The following SOX10 variants were observed in gnomAD, a reference collection of about 807,000 sequenced individuals.
The protein encoded by SOX10 is transcription factor SOX-10.
SOX10 carries 3 observed loss-of-function variants against 35.0 expected under a neutral mutation model. The observed-to-expected ratio is 0.09, with a 90% CI of 0.04 to 0.22. The LOEUF (loss-of-function observed/expected upper bound fraction) is 0.22, where lower values mean the gene tolerates loss of function less well. SOX10 is among the 10% of genes least tolerant of loss of function. The pLI, the probability that SOX10 is intolerant of heterozygous loss-of-function variation, is 1.00. For missense variants in SOX10, 436 were observed against 655.1 expected, an observed-to-expected ratio of 0.67 and a Z score of 3.65; for synonymous variants, 285 against 291.0, an observed-to-expected ratio of 0.98 and a Z score of 0.21.
chr22:37,983,823 C>A lies in SOX10; in HGVS notation c.-39G>T, dbSNP rs1289952577. 2.8e-5 allele frequency: 38 copies of A among 1,372,060 alleles called. No individual in the cohort carries two copies. Among genetic ancestry groups the A allele is most frequent in the Non-Finnish European group, 3.5e-5 (37 of 1,063,228 alleles). The allele number at this position is 1,372,060 out of a possible 1,614,324, so 85.0% of individuals were successfully genotyped here. On this transcript the variant is annotated 5_prime_UTR_variant, in exon 2 of 4. Coordinates refer to ENST00000396884, the MANE Select transcript of SOX10 (RefSeq NM_006941.4). This position sits in a 1 kb window ranked among gnomAD's most constrained non-coding sequence, Gnocchi z 9.5. ...GCCGCCGCCGCCGCCTCGGCCGCCT[C>A]CCCCGGGCCAGCCGCCGGGGTCCTC... is the stretch of plus-strand genomic sequence containing the variant.
rs1932498602 is a variant in SOX10 at position 37,984,148 on chromosome 22, C to G, written c.-85+191G>C. 1 of 172,758 alleles carries G rather than the reference C, an allele frequency of 5.8e-6. No individual in the cohort carries two copies. Among genetic ancestry groups the G allele is most frequent in the African/African-American group, 2.4e-5 (1 of 41,962 alleles). 10.7% of individuals were successfully genotyped at this position (172,758 alleles called of 1,614,324 possible). On this transcript the variant is annotated intron_variant, in intron 1 of 3. Transcript: ENST00000396884. This position sits in a 1 kb window ranked among gnomAD's most constrained non-coding sequence, Gnocchi z 4.4. The stretch of plus-strand genomic sequence containing the variant: ...ATGATAAGGAAGAAAAAAACGGAGC[C>G]TTTATTTTGCTCTAATCCCGGCCCC...
At position 37,974,434 on chromosome 22, in the gene SOX10, C is replaced by T. The variant is rs192999340; in HGVS notation, c.698-236G>A. Among the ~76,000 whole-genome samples, 424 of 150,588 alleles carry T rather than the reference C, an allele frequency of 2.8e-3. 1 individual carries two copies. Among genetic ancestry groups the T allele is most frequent in the Admixed American group, 7.8e-3 (118 of 15,124 alleles). On this transcript the variant is annotated intron_variant, in intron 3 of 3. Transcript: ENST00000396884. This position sits in a 1 kb window ranked among gnomAD's most constrained non-coding sequence, Gnocchi z 5.4. ...GTGGCGCCATCTCGGCTCACTGCAACCTCTGCCTCCTGGGTTCAAATGATT... is the reference window on the plus strand; with the variant it reads ...GTGGCGCCATCTCGGCTCACTGCAATCTCTGCCTCCTGGGTTCAAATGATT...
rs745822475 is a variant in SOX10, at chr22:37,977,907, C to T, written c.657G>A (p.Glu219=). 6.2e-7 allele frequency: 1 copy of T among 1,612,978 alleles called. No homozygotes were observed. The highest frequency in any genetic ancestry group is 1.1e-5 in the South Asian group (1 of 91,056). ...SAHLDHRHPG[E]GSPMSDGNPE... ...GGTTCCCATCTGACATGGGGGAGCC[C>T]TCTCCTGGGTGCCGGTGGTCCAAGT... The change falls in exon 3 of 4, where the codon GAG becomes GAA. Residue 219 remains glutamate, a synonymous_variant. Transcript: ENST00000396884.
chr22:37,983,702 G>A lies in SOX10; in HGVS notation c.83C>T (p.Ala28Val), dbSNP rs1932477803. The A allele has an allele frequency of 1.3e-5, 19 of 1,515,476 alleles. No individual in the cohort carries two copies. Among genetic ancestry groups the A allele is most frequent in the East Asian group, 7.5e-5 (3 of 40,096 alleles). The allele number at this position is 1,515,476 out of a possible 1,614,324, so 93.9% of individuals were successfully genotyped here. ...EEPRCLSPGSAPSLGPDGGGG... is the reference protein window; with the variant it reads ...EEPRCLSPGSVPSLGPDGGGG... ...GCCGCCGTCGGGCCCTAGCGAGGGCGCGCTCCCCGGGGACAGGCAGCGGGG... is the reference window on the plus strand; with the variant it reads ...GCCGCCGTCGGGCCCTAGCGAGGGCACGCTCCCCGGGGACAGGCAGCGGGG... The change falls in exon 2 of 4, where the codon GCG becomes GTG. Residue 28 changes from alanine (A) to valine (V), a missense_variant. Physicochemically the swap from Ala to Val is moderately conservative, Grantham distance 64. Transcript: ENST00000396884. The surrounding 1 kb of genome is among the most constrained non-coding windows in gnomAD (Gnocchi z 9.5).
rs1276840509 is a variant in SOX10 at position 37,983,545 on chromosome 22, G to C, written c.240C>G (p.Leu80=). 6 of 1,610,520 alleles carry C rather than the reference G, an allele frequency of 3.7e-6. No individual in the cohort carries two copies. The highest frequency in any genetic ancestry group is 3.3e-5 in the Admixed American group (2 of 59,716). The part of the protein sequence containing the change: ...VCIREAVSQV[L]SGYDWTLVPM... ...GCACCAGCGTCCAGTCGTAGCCGCT[G>C]AGCACCTGGCTGACGGCCTCGCGGA... Residue 80 remains leucine, a synonymous_variant, in exon 2 of 4, where the codon CTC becomes CTG. Coordinates refer to ENST00000396884, the MANE Select transcript of SOX10 (RefSeq NM_006941.4). This position sits in a 1 kb window ranked among gnomAD's most constrained non-coding sequence, Gnocchi z 9.5.
rs1228797645 is a variant in SOX10, at chr22:37,973,459, G to A, written c.*36C>T. 7.3e-7 allele frequency: 1 copy of A among 1,372,132 alleles called. No individual in the cohort carries two copies. The highest frequency in any genetic ancestry group is 1.0e-6 in the Non-Finnish European group (1 of 998,508). The allele number at this position is 1,372,132 out of a possible 1,614,324, so 85.0% of individuals were successfully genotyped here. A position where few individuals can be genotyped will look rare whatever the true frequency, so the allele number is the denominator to read the frequency against. On this transcript the variant is annotated 3_prime_UTR_variant, in exon 4 of 4. Coordinates refer to ENST00000396884, the MANE Select transcript of SOX10 (RefSeq NM_006941.4). The stretch of plus-strand genomic sequence containing the variant: ...GAACAGGGCACACAGGCTGGGGGCA[G>A]GGGCTGGGCGGGGGGTGGTGGCGAC...
At chr22:37,976,111 T>A (rs1454192346) in intron 3 of SOX10, among the ~76,000 whole-genome samples, 2 of 152,074 alleles carry the variant, frequency 1.3e-5, no homozygotes, top group African/African-American at 4.8e-5. Flanking sequence ...TAATCCCAGC[T>A]ACTTAGGAGG....
intron 3 of SOX10, among the ~76,000 whole-genome samples, chr22:37,975,394 G>A (rs1932191393): frequency 6.6e-6 from 1 of 152,272 alleles, no homozygotes; most frequent in Non-Finnish European, 1.5e-5. Context: ...TGAGTGGGGT[G>A]GGGCCTTGAA....
chr22:37,983,352 C>A lies in SOX10; in HGVS notation c.428+5G>T. On this transcript the variant is annotated splice_donor_5th_base_variant and intron_variant, in intron 2 of 3. Coordinates refer to ENST00000396884, the MANE Select transcript of SOX10 (RefSeq NM_006941.4). This position sits in a 1 kb window ranked among gnomAD's most constrained non-coding sequence, Gnocchi z 9.5. ...CCCGAGCCCGGGGGGCGGTCGGGTGCTCACCTCCAGAGCTTGCCCAGCGTC... is the reference window on the plus strand; with the variant it reads ...CCCGAGCCCGGGGGGCGGTCGGGTGATCACCTCCAGAGCTTGCCCAGCGTC... The A allele has an allele frequency of 6.2e-7, 1 of 1,605,784 alleles. No homozygotes were observed. The highest frequency in any genetic ancestry group is 8.5e-7 in the Non-Finnish European group (1 of 1,177,536).
In SOX10 at chr22:37,977,899, G is replaced by C. The variant is rs751692784; in HGVS notation, c.665C>G (p.Pro222Arg). The change falls in exon 3 of 4, where the codon CCC becomes CGC. Residue 222 changes from proline (P) to arginine (R), a missense_variant. By Grantham distance (103) the Pro-to-Arg change is moderately radical. Transcript: ENST00000396884. ...LDHRHPGEGS[P>R]MSDGNPEHPS... is the part of the protein sequence containing the mutation. ...GTGCTCGGGGTTCCCATCTGACATG[G>C]GGGAGCCCTCTCCTGGGTGCCGGTG... 6.2e-7 allele frequency: 1 copy of C among 1,612,640 alleles called. No homozygotes were observed. The highest frequency in any genetic ancestry group is 8.5e-7 in the Non-Finnish European group (1 of 1,179,622).
intron 3 of SOX10, among the ~76,000 whole-genome samples, chr22:37,976,901 C>A (rs1471976349): frequency 2.6e-5 from 4 of 152,168 alleles, no homozygotes; most frequent in Non-Finnish European, 4.4e-5. Flanking sequence ...CATGTCTCCT[C>A]TGTCAGAATG....
chr22:37,982,255 C>T (rs747724172), intron 2 of SOX10, among the ~76,000 whole-genome samples: 2 of 152,138 alleles, frequency 1.3e-5, no homozygotes, highest in Non-Finnish European at 2.9e-5. Flanking sequence ...GGCTCTGCTA[C>T]CAACTTCTAT....
Position 37,983,597 on chromosome 22 carries a change from G to A in SOX10, c.188C>T (p.Ala63Val). The change falls in exon 2 of 4, where the codon GCG (alanine) becomes GTG (valine). Residue 63 changes from alanine to valine, a missense_variant. By Grantham distance (64) the Ala-to-Val change is moderately conservative (BLOSUM62 0). Transcript: ENST00000396884. This position sits in a 1 kb window ranked among gnomAD's most constrained non-coding sequence, Gnocchi z 9.5. ...KVKKEQQDGEADDDKFPVCIR... is the reference protein window; with the variant it reads ...KVKKEQQDGEVDDDKFPVCIR... The stretch of plus-strand genomic sequence containing the variant: ...GCACACGGGGAACTTGTCATCGTCC[G>A]CCTCGCCGTCCTGCTGCTCCTTCTT... 5 of 1,608,494 alleles carry A rather than the reference G, an allele frequency of 3.1e-6. No homozygotes were observed. The highest frequency in any genetic ancestry group is 1.7e-4 in the Middle Eastern group (1 of 6,028).
Position 37,983,540 on chromosome 22 carries a change from C to A in SOX10, c.245G>T (p.Gly82Val). The A allele has an allele frequency of 6.2e-7, 1 of 1,610,402 alleles. No homozygotes were observed. Reference protein sequence around the residue: ...IREAVSQVLSGYDWTLVPMPV... With the variant: ...IREAVSQVLSVYDWTLVPMPV... ...CATGGGCACCAGCGTCCAGTCGTAG[C>A]CGCTGAGCACCTGGCTGACGGCCTC... The change falls in exon 2 of 4, where the codon GGC becomes GTC. Residue 82 changes from glycine to valine, a missense_variant. By Grantham distance (109) the Gly-to-Val change is moderately radical. Coordinates refer to ENST00000396884, the MANE Select transcript of SOX10 (RefSeq NM_006941.4). This position sits in a 1 kb window ranked among gnomAD's most constrained non-coding sequence, Gnocchi z 9.5.
In SOX10 at chr22:37,972,430, G is replaced by T; in HGVS notation, c.*1065C>A. The T allele has an allele frequency of 2.8e-6, 1 of 356,270 alleles. No individual in the cohort carries two copies. Among genetic ancestry groups the T allele is most frequent in the Non-Finnish European group, 5.7e-6 (1 of 176,244 alleles). The allele number at this position is 356,270 out of a possible 1,614,324, so 22.1% of individuals were successfully genotyped here. ...CAGGAGACAGTAATGAGTTACATGT[G>T]GATTTGGGGGGCTGCAGAACAGGAA... On this transcript the variant is annotated 3_prime_UTR_variant, in exon 4 of 4. Coordinates refer to ENST00000396884, the MANE Select transcript of SOX10 (RefSeq NM_006941.4).
intron 3 of SOX10, 146 bp downstream of exon 3, chr22:37,977,721 C>T (rs147054338): frequency 3.5e-6 from 3 of 860,604 alleles, no homozygotes; most frequent in South Asian, 3.4e-5. Context: ...CCCCATGGAG[C>T]TCCCTCTGGG....
rs1200579978 is a variant in SOX10, at chr22:37,974,542, G to A, written c.698-344C>T. On this transcript the variant is annotated intron_variant, in intron 3 of 3. Coordinates refer to ENST00000396884, the MANE Select transcript of SOX10 (RefSeq NM_006941.4). This position sits in a 1 kb window ranked among gnomAD's most constrained non-coding sequence, Gnocchi z 5.4. The stretch of plus-strand genomic sequence containing the variant: ...TAATTTGTGTATTTTTAGTAGAGAC[G>A]GGGTTTCACCATGTTGGCCAGGGTT... Among the ~76,000 whole-genome samples the A allele has an allele frequency of 2.6e-5, 4 of 151,942 alleles. No homozygotes were observed. Among genetic ancestry groups the A allele is most frequent in the African/African-American group, 4.8e-5 (2 of 41,398 alleles).
intron 2 of SOX10, among the ~76,000 whole-genome samples, chr22:37,979,798 G>A (rs1361041859): frequency 1.3e-5 from 2 of 152,054 alleles, no homozygotes; most frequent in Non-Finnish European, 2.9e-5. Flanking sequence ...GGGTCGAGGG[G>A]AAAGTCCAGA....
chr22:37,977,495 T>A (rs1057262394), intron 3 of SOX10, among the ~76,000 whole-genome samples: 3 of 151,902 alleles, frequency 2.0e-5, no homozygotes, highest in East Asian at 2.0e-4. Flanking sequence ...TAATTTTTTT[T>A]ATTTTTAGTA....
Sources: allele counts gnomAD v4.1 joint callset (sites outside exome capture counted in the v4.1 genomes callset), GRCh38; gene constraint gnomAD v4.1.1; non-coding constraint Gnocchi (gnomAD v3.1); transcripts MANE v1.5; gene names NCBI Gene and HGNC (gene_info 2026-07-23, HGNC 2026-07-21).